The following MDGA2 variants were observed in gnomAD, a reference collection of about 807,000 sequenced individuals.
The protein encoded by MDGA2 is MAM domain containing glycosylphosphatidylinositol anchor 2.
Under a neutral mutation model 117.8 loss-of-function variants are expected in MDGA2, and 40 were observed. The ratio of observed to expected loss-of-function variants is 0.34; its 90% confidence interval spans 0.26 to 0.44. The LOEUF (loss-of-function observed/expected upper bound fraction) is 0.44. Among genes scored for constraint, MDGA2 ranks in the 20% least tolerant of loss-of-function variants. The probability of loss-of-function intolerance (pLI) is 1.00; values close to 1 mark genes in which losing one functional copy is unlikely to be tolerated. For synonymous variants in MDGA2, 452 were observed against 439.0 expected, an observed-to-expected ratio of 1.03 and a Z score of -0.37; for missense variants, 1,123 against 1,250.6, an observed-to-expected ratio of 0.90 and a Z score of 1.54.
At chr14:47,023,224 G>GAA (rs1196970346) in intron 8 of MDGA2, among the ~76,000 whole-genome samples, 1 of 121,644 alleles carries the variant, frequency 8.2e-6, no homozygotes, top group African/African-American at 3.3e-5. Context: ...AAAAGAAAAA[G>GAA]AAAGAAAGAA....
intron 12 of MDGA2, among the ~76,000 whole-genome samples, chr14:46,874,845 T>C (rs751796423): frequency 2.0e-5 from 3 of 151,706 alleles, no homozygotes; most frequent in Non-Finnish European, 3.0e-5. Context: ...GCCTAACGTA[T>C]GTTGAGTTCA....
intron 1 of MDGA2, among the ~76,000 whole-genome samples, chr14:47,657,065 A>C (rs1897759063): frequency 6.6e-6 from 1 of 152,136 alleles, no homozygotes; most frequent in Admixed American, 6.6e-5. Flanking sequence ...CCAGAGTCTC[A>C]AGTATCACAT....
chr14:47,053,966 T>A (rs750501499), intron 7 of MDGA2, among the ~76,000 whole-genome samples: 2 of 151,922 alleles, frequency 1.3e-5, no homozygotes, highest in African/African-American at 2.4e-5. Flanking sequence ...GTCATAAAGC[T>A]ACTAGGAGGT....
At chr14:46,925,631 CAAAAAAA>C (rs34889177) in intron 9 of MDGA2, among the ~76,000 whole-genome samples, 1 of 64,602 alleles carries the variant, frequency 1.5e-5, no homozygotes, top group African/African-American at 5.9e-5. Context: ...GACTCTACCT[CAAAAAAA>C]AAAAAAAAAA....
chr14:47,172,111 C>T (rs972799687), intron 3 of MDGA2, among the ~76,000 whole-genome samples: 1 of 152,192 alleles, frequency 6.6e-6, no homozygotes, highest in African/African-American at 2.4e-5. Context: ...CCCACCATAG[C>T]CCAGGCTTGC....
At chr14:47,603,934 T>A (rs974174854) in intron 1 of MDGA2, among the ~76,000 whole-genome samples, 2 of 152,180 alleles carry the variant, frequency 1.3e-5, no homozygotes, top group Non-Finnish European at 1.5e-5. Flanking sequence ...GCTCTTGCCA[T>A]GTGAAGTGCC....
At chr14:47,464,451 C>T (rs1893557978) in intron 1 of MDGA2, among the ~76,000 whole-genome samples, 1 of 151,980 alleles carries the variant, frequency 6.6e-6, no homozygotes, top group Non-Finnish European at 1.5e-5. Context: ...ATAATCTTGG[C>T]CCAAAAGCTC....
chr14:47,415,394 TA>T (rs1016999590), intron 1 of MDGA2, among the ~76,000 whole-genome samples: 1 of 152,252 alleles, frequency 6.6e-6, no homozygotes, highest in African/African-American at 2.4e-5. Flanking sequence ...ACCCCCCTTA[TA>T]GGTTGTTTCA....
intron 15 of MDGA2, among the ~76,000 whole-genome samples, chr14:46,854,821 T>A (rs138214852): frequency 0.011 from 1,700 of 152,028 alleles, 26 homozygotes; most frequent in African/African-American, 0.035. Context: ...AACCAATTAC[T>A]TGATGAGTAT....
intron 10 of MDGA2, among the ~76,000 whole-genome samples, chr14:46,909,085 A>G (rs10141312): frequency 6.6e-6 from 1 of 152,138 alleles, no homozygotes; most frequent in Non-Finnish European, 1.5e-5. Context: ...CTACTCTACC[A>G]AACTATACGC....
intron 1 of MDGA2, among the ~76,000 whole-genome samples, chr14:47,369,448 T>G (rs1458594282): frequency 6.6e-6 from 1 of 152,152 alleles, no homozygotes; most frequent in Non-Finnish European, 1.5e-5. Context: ...CACTATTTCC[T>G]AATGGCTTTT....
chr14:47,634,339 G>T, intron 1 of MDGA2, among the ~76,000 whole-genome samples: 1 of 151,988 alleles, frequency 6.6e-6, no homozygotes, highest in Non-Finnish European at 1.5e-5. Flanking sequence ...GATATAAACT[G>T]ATTTCAATTA....
intron 7 of MDGA2, among the ~76,000 whole-genome samples, chr14:47,038,624 C>G (rs1888945320): frequency 1.3e-5 from 2 of 151,856 alleles, no homozygotes; most frequent in Admixed American, 6.6e-5. Context: ...CAAAATCTAG[C>G]TAAAAGATTA....
intron 8 of MDGA2, among the ~76,000 whole-genome samples, chr14:46,976,027 T>C (rs1227255663): frequency 6.6e-6 from 1 of 152,142 alleles, no homozygotes; most frequent in African/African-American, 2.4e-5. Flanking sequence ...AAATGGTGAT[T>C]TATTTTCAGA....
At chr14:47,273,855 A>G (rs1199831398) in intron 2 of MDGA2, among the ~76,000 whole-genome samples, 1 of 152,172 alleles carries the variant, frequency 6.6e-6, no homozygotes, top group African/African-American at 2.4e-5. Flanking sequence ...AACAATAATA[A>G]TAAAGAAGAA....
rs998539863 is a variant in MDGA2 at position 47,236,216 on chromosome 14, A to G, written c.421-18021T>C. ...TGAGGCAAGAGAATGGCGTCAACCC[A>G]GGAGGCGGAGCTTGCAGTGAGCCGA... On this transcript the variant is annotated intron_variant, in intron 2 of 16. Transcript: ENST00000399232. Among the ~76,000 whole-genome samples the G allele has an allele frequency of 8.9e-5, 13 of 145,268 alleles. No homozygotes were observed. In the East Asian group the frequency reaches 2.2e-3, roughly 25 times the overall value.
chr14:47,286,194 A>G (rs182321688), intron 2 of MDGA2, among the ~76,000 whole-genome samples: 31 of 152,146 alleles, frequency 2.0e-4, no homozygotes, highest in African/African-American at 7.5e-4. Flanking sequence ...ATTGGAAGTA[A>G]CAATCACCTC....
chr14:47,531,162 G>A (rs1000021031), intron 1 of MDGA2, among the ~76,000 whole-genome samples: 6 of 152,158 alleles, frequency 3.9e-5, no homozygotes, highest in Admixed American at 2.0e-4. Flanking sequence ...GGAGAATGGC[G>A]TGAACCCAGG....
At position 47,039,048 on chromosome 14, in the gene MDGA2, A is replaced by T. The variant is rs550344747; in HGVS notation, c.1526-3744T>A. The stretch of plus-strand genomic sequence containing the variant: ...GACTGTATAATTTCTCAAACCTGTT[A>T]TATGTTTTTCTATCTTTCTGTCCCC... On this transcript the variant is annotated intron_variant, in intron 7 of 16. Coordinates refer to ENST00000399232, the MANE Select transcript of MDGA2 (RefSeq NM_001113498.3). Among the ~76,000 whole-genome samples the T allele has an allele frequency of 7.2e-5, 11 of 152,196 alleles. No individual in the cohort carries two copies. In the South Asian group the frequency reaches 1.9e-3, roughly 26 times the overall value.
Sources: gnomAD v4.1 joint callset for allele counts (sites outside exome capture counted in the v4.1 genomes callset) on GRCh38, gnomAD v4.1.1 for gene constraint, MANE v1.5 for transcripts, NCBI Gene and HGNC (gene_info 2026-07-23, HGNC 2026-07-21) for gene names.